SH3PXD2A: variants seen among roughly 807,000 people sequenced by gnomAD.
The protein encoded by SH3PXD2A is SH3 and PX domains 2A.
A neutral mutation model predicts 115.2 loss-of-function variants in SH3PXD2A; 32 were observed. The observed-to-expected ratio is 0.28, with a 90% confidence interval of 0.21 to 0.37. The LOEUF is 0.37. Ranked by LOEUF, SH3PXD2A falls within the 10% of genes least tolerant of loss-of-function variation. The pLI, the probability that SH3PXD2A is intolerant of heterozygous loss-of-function variation, is 1.00. For synonymous variants in SH3PXD2A, 610 were observed against 629.1 expected (o/e 0.97, Z 0.45); for missense variants, 1,328 against 1,498.7 (o/e 0.89, Z 1.88).
chr10:103,806,538 C>G (rs1386730484), intron 1 of SH3PXD2A, among the ~76,000 whole-genome samples: 2 of 152,134 alleles, frequency 1.3e-5, no homozygotes, highest in African/African-American at 2.4e-5. Flanking sequence ...AGAAAGCCAG[C>G]TCTGTTTACA....
intron 2 of SH3PXD2A, among the ~76,000 whole-genome samples, chr10:103,800,120 T>C (rs1322275339): frequency 6.6e-6 from 1 of 152,128 alleles, no homozygotes; most frequent in African/African-American, 2.4e-5. Flanking sequence ...TGTGTTTTTA[T>C]TGGCCTAAAC....
In SH3PXD2A at chr10:103,784,239, T is replaced by C. The variant is rs10786767; in HGVS notation, c.153+17043A>G. Among the ~76,000 whole-genome samples, 126,546 of 152,224 alleles carry C rather than the reference T, an allele frequency of 0.83. 53,195 individuals carry two copies. The highest frequency in any genetic ancestry group is 1 in the East Asian group (5,149 of 5,160). ...TTCCAGGTCCCGCCCTCCCTGGACTTCAGACCCCAAGAGGTCACAGAAGCA... is the reference window on the plus strand; with the variant it reads ...TTCCAGGTCCCGCCCTCCCTGGACTCCAGACCCCAAGAGGTCACAGAAGCA... On this transcript the variant is annotated intron_variant, in intron 2 of 14. Transcript: ENST00000369774. This position sits in a 1 kb window ranked among gnomAD's most constrained non-coding sequence, Gnocchi z 4.4.
intron 8 of SH3PXD2A, among the ~76,000 whole-genome samples, chr10:103,629,525 C>A (rs1487731389): frequency 6.6e-6 from 1 of 152,194 alleles, no homozygotes; most frequent in South Asian, 2.1e-4. Flanking sequence ...CTACAGTGGG[C>A]AAGGGATGCC....
chr10:103,654,704 A>G (rs757494931), intron 8 of SH3PXD2A, among the ~76,000 whole-genome samples: 9 of 152,220 alleles, frequency 5.9e-5, no homozygotes, highest in Non-Finnish European at 8.8e-5. Context: ...GGCATAAGCC[A>G]CCATTCCTGG....
chr10:103,837,737 A>G (rs1248057502), intron 1 of SH3PXD2A, among the ~76,000 whole-genome samples: 2 of 152,184 alleles, frequency 1.3e-5, no homozygotes, highest in Non-Finnish European at 2.9e-5. Flanking sequence ...GGAGAACTGT[A>G]GCACTTCCCA....
At position 103,595,844 on chromosome 10, in the gene SH3PXD2A, C is replaced by T. The variant is rs2036125300; in HGVS notation, c.*5972G>A. 6.6e-6 allele frequency: 1 copy of T among 152,640 alleles called. No individual in the cohort carries two copies. The highest frequency in any genetic ancestry group is 6.5e-5 in the Admixed American group (1 of 15,288). 9.5% of individuals were successfully genotyped at this position (152,640 alleles called of 1,614,324 possible). On this transcript the variant is annotated 3_prime_UTR_variant, in exon 15 of 15. Transcript: ENST00000369774. ...GGCTCTCCACCCAGTCTGTAAGCACCAGTGTGCCCACCTTATGGCCTGGGG... is the reference window on the plus strand; with the variant it reads ...GGCTCTCCACCCAGTCTGTAAGCACTAGTGTGCCCACCTTATGGCCTGGGG...
At chr10:103,737,396 G>A (rs1269389461) in intron 3 of SH3PXD2A, among the ~76,000 whole-genome samples, 1 of 152,210 alleles carries the variant, frequency 6.6e-6, no homozygotes, top group East Asian at 1.9e-4. Context: ...AGGTCCGAGT[G>A]AAGTACTCAG....
At chr10:103,805,750 G>A (rs1008226153) in intron 1 of SH3PXD2A, among the ~76,000 whole-genome samples, 1 of 151,116 alleles carries the variant, frequency 6.6e-6, no homozygotes, top group Non-Finnish European at 1.5e-5. Flanking sequence ...AGGGCAGGGC[G>A]CAGTGGCTCA....
chr10:103,844,815 A>G (rs1179122875), intron 1 of SH3PXD2A, among the ~76,000 whole-genome samples: 3 of 152,222 alleles, frequency 2.0e-5, no homozygotes, highest in Admixed American at 1.3e-4. Flanking sequence ...GTTATAAATC[A>G]AAGGCCATGC....
intron 3 of SH3PXD2A, chr10:103,754,503 G>A (rs1022509489): frequency 6.6e-6 from 1 of 152,134 alleles, no homozygotes; most frequent in African/African-American, 2.4e-5. Flanking sequence ...ACCACAGAGA[G>A]TTCATGAGCC....
At chr10:103,799,513 G>A (rs926937310) in intron 2 of SH3PXD2A, among the ~76,000 whole-genome samples, 6 of 152,238 alleles carry the variant, frequency 3.9e-5, no homozygotes, top group African/African-American at 1.2e-4. Context: ...CCCTGCTTGC[G>A]TATCCCCTTT....
chr10:103,622,440 G>C (rs1322926224), intron 10 of SH3PXD2A, 30 bp downstream of exon 10: 1 of 1,451,532 alleles, frequency 6.9e-7, no homozygotes, highest in African/African-American at 1.4e-5. Context: ...CGGTCGCTGC[G>C]AGGGAGGAGA....
At chr10:103,618,014 C>T (rs912039982) in intron 10 of SH3PXD2A, among the ~76,000 whole-genome samples, 1 of 152,226 alleles carries the variant, frequency 6.6e-6, no homozygotes, top group African/African-American at 2.4e-5. Flanking sequence ...AAGCACAGCA[C>T]AATCAGGCAG....
chr10:103,779,062 T>C (rs2134238826), intron 2 of SH3PXD2A, among the ~76,000 whole-genome samples: 1 of 152,296 alleles, frequency 6.6e-6, no homozygotes, highest in African/African-American at 2.4e-5. Context: ...GCATGGCTTC[T>C]TACTATGTTT....
At chr10:103,711,069 T>C (rs2038041297) in intron 5 of SH3PXD2A, among the ~76,000 whole-genome samples, 1 of 152,160 alleles carries the variant, frequency 6.6e-6, no homozygotes, top group Non-Finnish European at 1.5e-5. Context: ...TTGCCCCACC[T>C]GGCACATAGC....
intron 8 of SH3PXD2A, among the ~76,000 whole-genome samples, chr10:103,657,812 G>C (rs2037232601): frequency 6.6e-6 from 1 of 152,196 alleles, no homozygotes; most frequent in South Asian, 2.1e-4. Flanking sequence ...GGGATGCAGA[G>C]ACAACCTTCC....
chr10:103,653,702 G>A (rs1309072497), intron 8 of SH3PXD2A, among the ~76,000 whole-genome samples: 1 of 152,152 alleles, frequency 6.6e-6, no homozygotes, highest in Non-Finnish European at 1.5e-5. Flanking sequence ...CACGCAGGTA[G>A]CTGGCAGCAC....
intron 8 of SH3PXD2A, among the ~76,000 whole-genome samples, chr10:103,632,835 A>G (rs1179385452): frequency 8.3e-6 from 1 of 120,500 alleles, no homozygotes; most frequent in African/African-American, 3.4e-5. Context: ...TTAGCTGGGC[A>G]TGGTGATGTG....
At chr10:103,709,095 T>C (rs2038016527) in intron 5 of SH3PXD2A, among the ~76,000 whole-genome samples, 1 of 152,060 alleles carries the variant, frequency 6.6e-6, no homozygotes, top group Non-Finnish European at 1.5e-5. Context: ...CTCCTGCCTC[T>C]GAGCCATTCA....
Sources: gnomAD v4.1 joint callset for allele counts (sites outside exome capture counted in the v4.1 genomes callset) on GRCh38, gnomAD v4.1.1 for gene constraint, Gnocchi (gnomAD v3.1) non-coding constraint, MANE v1.5 for transcripts, NCBI Gene and HGNC (gene_info 2026-07-23, HGNC 2026-07-21) for gene names.